Variants in GABPB2 observed in about 807,000 individuals in gnomAD.
GABPB2 encodes GA binding protein transcription factor subunit beta 2.
A neutral mutation model predicts 39.1 loss-of-function variants in GABPB2; 23 were observed. That is an observed-to-expected ratio of 0.59 (90% CI 0.42 to 0.83). GABPB2 has a LOEUF of 0.83. Ranked by LOEUF, GABPB2 falls within the 40% of genes least tolerant of loss-of-function variation. The pLI is 0.00. For missense variants in GABPB2, 467 were observed against 541.1 expected, an observed-to-expected ratio of 0.86 and a Z score of 1.36; for synonymous variants, 184 against 199.3, an observed-to-expected ratio of 0.92 and a Z score of 0.65.
chr1:151,117,340 C>G, intron 7 of GABPB2, 52 bp from the exon 8 acceptor site: 1 of 1,576,064 alleles, frequency 6.3e-7, no homozygotes, highest in Non-Finnish European at 8.6e-7. Context: ...AGCAAAACCT[C>G]TTTGTTTTAT....
At position 151,119,220 on chromosome 1, in the gene GABPB2, A is replaced by T. The variant is rs967807417; in HGVS notation, c.*964A>T. 1 of 152,254 alleles carries T rather than the reference A, an allele frequency of 6.6e-6. No individual in the cohort carries two copies. Among genetic ancestry groups the T allele is most frequent in the Non-Finnish European group, 1.5e-5 (1 of 68,098 alleles). The allele number at this position is 152,254 out of a possible 1,614,324, so 9.4% of individuals were successfully genotyped here. A position where few individuals can be genotyped will look rare whatever the true frequency, so the allele number is the denominator to read the frequency against. Reference sequence around the variant, plus strand: ...CTACTCAGGAGGCTGAGGTGGGAGGATCGCTTGTGCCTTGGAGGTCAAAAC... The same window carrying T: ...CTACTCAGGAGGCTGAGGTGGGAGGTTCGCTTGTGCCTTGGAGGTCAAAAC... On this transcript the variant is annotated 3_prime_UTR_variant, in exon 9 of 9. Transcript: ENST00000368918.
intron 3 of GABPB2, among the ~76,000 whole-genome samples, chr1:151,092,435 T>A (rs1057503670): frequency 2.6e-5 from 4 of 151,242 alleles, no homozygotes; most frequent in Admixed American, 1.3e-4. Flanking sequence ...AAAAAAAAAA[T>A]ACAGATGAGA....
At chr1:151,086,395 G>T (rs1394965686) in intron 1 of GABPB2, among the ~76,000 whole-genome samples, 1 of 152,158 alleles carries the variant, frequency 6.6e-6, no homozygotes, top group Non-Finnish European at 1.5e-5. Flanking sequence ...TTTCCCTTGA[G>T]ATTACATGGC....
chr1:151,088,402 C>G (rs1413124228), intron 2 of GABPB2, 105 bp downstream of exon 2: 2 of 1,234,312 alleles, frequency 1.6e-6, no homozygotes, highest in Admixed American at 2.3e-5. Flanking sequence ...CCCTTTCTAC[C>G]TCATATCCCT....
chr1:151,079,087 T>A (rs762247334), intron 1 of GABPB2, among the ~76,000 whole-genome samples: 9 of 152,118 alleles, frequency 5.9e-5, no homozygotes, highest in Admixed American at 4.6e-4. Context: ...TATTAGGAGG[T>A]AAATATAGCA....
chr1:151,092,295 T>G (rs1485233215), intron 3 of GABPB2, among the ~76,000 whole-genome samples: 1 of 151,542 alleles, frequency 6.6e-6, no homozygotes, highest in Non-Finnish European at 1.5e-5. Context: ...TTAGTAGAGA[T>G]GGGGTTTAAC....
In GABPB2 at chr1:151,124,252, C is replaced by T. The variant is rs1167802189; in HGVS notation, c.*5996C>T. 6.6e-6 allele frequency: 1 copy of T among 150,674 alleles called. No individual in the cohort carries two copies. Among genetic ancestry groups the T allele is most frequent in the Non-Finnish European group, 1.5e-5 (1 of 67,762 alleles). The allele number at this position is 150,674 out of a possible 1,614,324, so 9.3% of individuals were successfully genotyped here. ...TCTTGGCTCATTGCAACCTCTGTCTCCCGGGTTCAAGCGATTCTTCTGCCT... is the reference window on the plus strand; with the variant it reads ...TCTTGGCTCATTGCAACCTCTGTCTTCCGGGTTCAAGCGATTCTTCTGCCT... On this transcript the variant is annotated 3_prime_UTR_variant, in exon 9 of 9. Transcript: ENST00000368918.
intron 8 of GABPB2, 52 bp downstream of exon 8, chr1:151,117,568 C>T: frequency 1.3e-6 from 2 of 1,554,654 alleles, no homozygotes; most frequent in African/African-American, 1.4e-5. Flanking sequence ...TTATTAAGGC[C>T]TGAACCCTTC....
At chr1:151,079,430 T>C (rs1677459438) in intron 1 of GABPB2, among the ~76,000 whole-genome samples, 1 of 151,974 alleles carries the variant, frequency 6.6e-6, no homozygotes, top group East Asian at 1.9e-4. Flanking sequence ...TAATCCCAGC[T>C]ACTCAGGAGG....
chr1:151,076,462 T>G (rs587705626), intron 1 of GABPB2, among the ~76,000 whole-genome samples: 1 of 152,134 alleles, frequency 6.6e-6, no homozygotes, highest in African/African-American at 2.4e-5. Flanking sequence ...CAGAGTCTTA[T>G]TCAGTCACCT....
chr1:151,103,861 A>C (rs371553026), intron 6 of GABPB2, among the ~76,000 whole-genome samples, 186 bp downstream of exon 6: 21 of 152,354 alleles, frequency 1.4e-4, no homozygotes, highest in African/African-American at 5.0e-4. Flanking sequence ...CAGACAGCTG[A>C]ATAATATCAG....
intron 1 of GABPB2, among the ~76,000 whole-genome samples, chr1:151,074,608 C>T (rs909785941): frequency 6.6e-6 from 1 of 152,100 alleles, no homozygotes; most frequent in African/African-American, 2.4e-5. Context: ...CGTGAGCCAC[C>T]GCACCCAGCA....
chr1:151,090,213 G>A (rs745949622), intron 2 of GABPB2, among the ~76,000 whole-genome samples, 193 bp from the exon 3 acceptor site: 21 of 152,260 alleles, frequency 1.4e-4, no homozygotes, highest in Non-Finnish European at 2.5e-4. Flanking sequence ...CAAAGTGCTA[G>A]GATTACAGGT....
Position 151,118,601 on chromosome 1 carries a change from A to G in GABPB2, c.*345A>G, listed in dbSNP as rs1267513599. ...GATTTTAAGATAACATTTCTAATAT[A>G]TATGCACCAATATATATGCCTTTAA... On this transcript the variant is annotated 3_prime_UTR_variant, in exon 9 of 9. Transcript: ENST00000368918. The G allele has an allele frequency of 1.0e-5, 2 of 194,104 alleles. No homozygotes were observed. Among genetic ancestry groups the G allele is most frequent in the Non-Finnish European group, 2.1e-5 (2 of 93,514 alleles). 12.0% of individuals were successfully genotyped at this position (194,104 alleles called of 1,614,324 possible). A position where few individuals can be genotyped will look rare whatever the true frequency, so the allele number is the denominator to read the frequency against.
intron 5 of GABPB2, 117 bp downstream of exon 5, chr1:151,098,119 C>A: frequency 1.2e-6 from 1 of 845,840 alleles, no homozygotes; most frequent in Non-Finnish European, 1.8e-6. Context: ...ATTGCCAAAG[C>A]AGAAGATTTG....
At chr1:151,096,049 A>C (rs1679075445) in intron 4 of GABPB2, among the ~76,000 whole-genome samples, 1 of 151,814 alleles carries the variant, frequency 6.6e-6, no homozygotes, top group African/African-American at 2.4e-5. Flanking sequence ...AAAAAAAAAA[A>C]AAGGAATTTC....
chr1:151,078,462 G>A (rs1375799032), intron 1 of GABPB2, among the ~76,000 whole-genome samples: 2 of 148,484 alleles, frequency 1.3e-5, no homozygotes, highest in African/African-American at 2.5e-5. Context: ...GCATGGTGGC[G>A]GGTGCCTGTA....
chr1:151,088,290 C>G lies in GABPB2; in HGVS notation c.101C>G (p.Thr34Arg). The G allele has an allele frequency of 6.2e-7, 1 of 1,611,660 alleles. No individual in the cohort carries two copies. The highest frequency in any genetic ancestry group is 8.5e-7 in the Non-Finnish European group (1 of 1,178,148). Residue 34 changes from threonine to arginine, a missense_variant, in exon 2 of 9, where the codon ACA becomes AGA. Coordinates refer to ENST00000368918, the MANE Select transcript of GABPB2 (RefSeq NM_144618.3). ...ATGGCAAATGGCGCCCCATTCACCA[C>G]AGACTGGGTAAGCTTAGAGGAGAGG... ...TLMANGAPFT[T>R]DWLGTSPLHL...
chr1:151,100,913 G>T (rs1679467691), intron 5 of GABPB2, among the ~76,000 whole-genome samples: 1 of 151,874 alleles, frequency 6.6e-6, no homozygotes, highest in South Asian at 2.1e-4. Flanking sequence ...AAGAAAAACT[G>T]GAAAGAATAT....
Sources: gnomAD v4.1 joint callset for allele counts (sites outside exome capture counted in the v4.1 genomes callset) on GRCh38, gnomAD v4.1.1 for gene constraint, MANE v1.5 for transcripts, NCBI Gene and HGNC (gene_info 2026-07-23, HGNC 2026-07-21) for gene names.